Variants in NFIB observed in about 807,000 individuals in gnomAD.
NFIB encodes nuclear factor 1 B-type.
In NFIB, 11 loss-of-function variants were observed where a neutral mutation model predicts 61.5. The ratio of observed to expected loss-of-function variants is 0.18; its 90% CI spans 0.11 to 0.30. NFIB has a LOEUF of 0.30. Ranked by LOEUF, NFIB falls within the 10% of genes least tolerant of loss-of-function variation. The probability of loss-of-function intolerance (pLI) is 1.00; values close to 1 mark genes in which losing one functional copy is unlikely to be tolerated. For synonymous variants in NFIB, 260 were observed against 216.5 expected, an observed-to-expected ratio of 1.20 and a Z score of -1.76; for missense variants, 471 against 608.9, an observed-to-expected ratio of 0.77 and a Z score of 2.38.
the NFIB span, among the ~76,000 whole-genome samples, chr9:14,419,353 G>A: frequency 6.6e-6 from 1 of 151,452 alleles, no homozygotes. Flanking sequence ...CTTGAAGTGA[G>A]CCTTGCAGAT....
At chr9:14,349,052 G>A (rs769799149) in intron 1 of NFIB, among the ~76,000 whole-genome samples, 1 of 152,212 alleles carries the variant, frequency 6.6e-6, no homozygotes, top group African/African-American at 2.4e-5. Context: ...CTGCAACCCA[G>A]GGGCTGCCTA....
the NFIB span, among the ~76,000 whole-genome samples, chr9:14,480,794 G>A: frequency 0.018 from 2,784 of 152,158 alleles, 29 homozygotes; most frequent in Middle Eastern, 0.027. Flanking sequence ...TGCTGAGATG[G>A]AAATAAATCT....
At chr9:14,252,136 G>A (rs1300533279) in intron 2 of NFIB, among the ~76,000 whole-genome samples, 3 of 152,174 alleles carry the variant, frequency 2.0e-5, no homozygotes, top group African/African-American at 7.2e-5. Flanking sequence ...CCCTAATGCA[G>A]AGAATTAAAA....
intron 1 of NFIB, among the ~76,000 whole-genome samples, chr9:14,395,271 A>T (rs2133041864): frequency 6.6e-6 from 1 of 151,292 alleles, no homozygotes; most frequent in South Asian, 2.1e-4. Context: ...TCAGGTTTTT[A>T]GTCTAGTCAG....
chr9:14,445,032 CATG>C, the NFIB span, among the ~76,000 whole-genome samples: 15 of 152,138 alleles, frequency 9.9e-5, no homozygotes, highest in Non-Finnish European at 1.5e-4. Flanking sequence ...TTTCTATACT[CATG>C]ATATGTTTGT....
intron 4 of NFIB, 77 bp from the exon 5 acceptor site, chr9:14,150,342 C>A (rs929349193): frequency 3.1e-6 from 5 of 1,595,100 alleles, no homozygotes; most frequent in Middle Eastern, 1.7e-4. Flanking sequence ...AATCGAGAAT[C>A]TTTCATGCCT....
chr9:14,377,540 C>A (rs2061433814), intron 1 of NFIB, among the ~76,000 whole-genome samples: 1 of 152,166 alleles, frequency 6.6e-6, no homozygotes, highest in Non-Finnish European at 1.5e-5. Context: ...TCATCAGCAC[C>A]TATACCCAGT....
intron 10 of NFIB, among the ~76,000 whole-genome samples, chr9:14,104,437 T>A (rs2036248656): frequency 6.6e-6 from 1 of 152,082 alleles, no homozygotes; most frequent in Admixed American, 6.5e-5. Context: ...TTTACAGTTT[T>A]TTTTACTGTA....
At chr9:14,477,808 T>C in the NFIB span, among the ~76,000 whole-genome samples, 1 of 152,210 alleles carries the variant, frequency 6.6e-6, no homozygotes, top group Non-Finnish European at 1.5e-5. Flanking sequence ...TTGTTATCAT[T>C]GGGTTCTTTT....
chr9:14,390,136 G>T (rs1330298100), intron 1 of NFIB, among the ~76,000 whole-genome samples: 1 of 152,096 alleles, frequency 6.6e-6, no homozygotes. Context: ...ACCACTTAAA[G>T]TTCATTGGAA....
the NFIB span, among the ~76,000 whole-genome samples, chr9:14,528,284 T>C: frequency 6.6e-6 from 1 of 152,202 alleles, no homozygotes; most frequent in Non-Finnish European, 1.5e-5. Context: ...TTAACACTTT[T>C]ATTAACATTG....
chr9:14,172,897 G>A (rs1399885366), intron 3 of NFIB, among the ~76,000 whole-genome samples: 5 of 152,050 alleles, frequency 3.3e-5, no homozygotes, highest in Non-Finnish European at 7.3e-5. Context: ...AGCCTCCCAA[G>A]TAGCTGGGAC....
chr9:14,476,646 A>C, the NFIB span, among the ~76,000 whole-genome samples: 1 of 152,274 alleles, frequency 6.6e-6, no homozygotes, highest in East Asian at 1.9e-4. Flanking sequence ...TAATATTAAC[A>C]TTACAAGGGA....
At chr9:14,170,662 A>C (rs2045469121) in intron 3 of NFIB, among the ~76,000 whole-genome samples, 1 of 152,102 alleles carries the variant, frequency 6.6e-6, no homozygotes, top group Non-Finnish European at 1.5e-5. Context: ...GAGTTACATG[A>C]GATACTTGGG....
At chr9:14,527,571 A>G in the NFIB span, among the ~76,000 whole-genome samples, 4 of 152,126 alleles carry the variant, frequency 2.6e-5, no homozygotes, top group African/African-American at 9.7e-5. Flanking sequence ...CCCCTCCATA[A>G]CACTGTGACA....
chr9:14,348,338 G>GAAA (rs5896629), intron 1 of NFIB, among the ~76,000 whole-genome samples: 1 of 146,546 alleles, frequency 6.8e-6, no homozygotes, highest in African/African-American at 2.5e-5. Flanking sequence ...TACCGGGGGT[G>GAAA]AAAAAAAAAA....
intron 2 of NFIB, among the ~76,000 whole-genome samples, chr9:14,182,846 G>A (rs904296804): frequency 4.6e-5 from 7 of 151,636 alleles, no homozygotes; most frequent in Non-Finnish European, 8.8e-5. Context: ...GAGTCTTGGT[G>A]TCTGGATCTT....
upstream of NFIB, among the ~76,000 whole-genome samples, chr9:14,401,106 A>G (rs1014740219): frequency 6.6e-6 from 1 of 152,244 alleles, no homozygotes; most frequent in African/African-American, 2.4e-5. Context: ...TAGATGCTCA[A>G]TAGATATGAC....
At chr9:14,268,242 C>T (rs1056734682) in intron 2 of NFIB, among the ~76,000 whole-genome samples, 11 of 152,052 alleles carry the variant, frequency 7.2e-5, no homozygotes, top group Non-Finnish European at 1.5e-5. Flanking sequence ...CATTTTCTTC[C>T]TTCATTCCAT....
Sources: gnomAD v4.1 joint callset for allele counts (sites outside exome capture counted in the v4.1 genomes callset) on GRCh38, gnomAD v4.1.1 for gene constraint, MANE v1.5 for transcripts, NCBI Gene and HGNC (gene_info 2026-07-23, HGNC 2026-07-21) for gene names.